Variants in LCLAT1 observed in about 807,000 individuals in gnomAD.
The protein encoded by LCLAT1 is lysocardiolipin acyltransferase 1.
In LCLAT1, 11 loss-of-function variants were observed where a neutral mutation model predicts 30.7. That is an observed-to-expected ratio of 0.36 (90% CI 0.23 to 0.59). LCLAT1 has a LOEUF of 0.59. Among genes scored for constraint, LCLAT1 ranks in the 20% least tolerant of loss-of-function variants. The pLI, the probability that LCLAT1 is intolerant of heterozygous loss-of-function variation, is 0.77. For missense variants in LCLAT1, 402 were observed against 458.6 expected (o/e 0.88, Z 1.13); for synonymous variants, 155 against 151.3 (o/e 1.02, Z -0.18).
intron 5 of LCLAT1, among the ~76,000 whole-genome samples, chr2:30,611,312 A>C (rs894872102): frequency 2.6e-5 from 4 of 152,146 alleles, no homozygotes; most frequent in African/African-American, 9.7e-5. Context: ...TTGAAAATAA[A>C]CTATATAATG....
chr2:30,555,838 TC>T (rs1400489457), intron 3 of LCLAT1, among the ~76,000 whole-genome samples: 89 of 105,550 alleles, frequency 8.4e-4, no homozygotes, highest in African/African-American at 3.2e-3. Context: ...TTTTTCTTTT[TC>T]TTTTTTTTTT....
chr2:30,488,916 C>T (rs1285665351), intron 1 of LCLAT1, among the ~76,000 whole-genome samples: 1 of 152,228 alleles, frequency 6.6e-6, no homozygotes, highest in Non-Finnish European at 1.5e-5. Context: ...TCTTCAGATT[C>T]TGTTACAATG....
At chr2:30,595,566 C>T (rs1018674771) in intron 5 of LCLAT1, among the ~76,000 whole-genome samples, 4 of 152,162 alleles carry the variant, frequency 2.6e-5, no homozygotes, top group Non-Finnish European at 5.9e-5. Context: ...CAGTATCCTT[C>T]AGCACCTAGC....
At chr2:30,479,688 T>C (rs968609851) in intron 1 of LCLAT1, among the ~76,000 whole-genome samples, 1 of 152,196 alleles carries the variant, frequency 6.6e-6, no homozygotes, top group African/African-American at 2.4e-5. Flanking sequence ...TTGCAGGCAA[T>C]ACTCTGTCTC....
chr2:30,591,041 T>C lies in LCLAT1; in HGVS notation c.628+22865T>C, dbSNP rs139483241. 4.2e-3 allele frequency among the ~76,000 whole-genome samples: 633 copies of C among 152,180 alleles called. 3 individuals are homozygous for C. Among genetic ancestry groups the C allele is most frequent in the African/African-American group, 0.013 (547 of 41,518 alleles). On this transcript the variant is annotated intron_variant, in intron 5 of 5. Transcript: ENST00000379509. The stretch of plus-strand genomic sequence containing the variant: ...CAGTTTAGGGCATTAGAAAATCAGT[T>C]TGTATAACTGAAATTGGAACTAAAT...
chr2:30,554,351 T>C (rs1033556179), intron 3 of LCLAT1, among the ~76,000 whole-genome samples: 3 of 152,240 alleles, frequency 2.0e-5, no homozygotes, highest in Non-Finnish European at 4.4e-5. Flanking sequence ...ATGGAAAATC[T>C]AATCTCTGAC....
At chr2:30,513,150 T>A (rs1685019411) in intron 1 of LCLAT1, among the ~76,000 whole-genome samples, 1 of 152,096 alleles carries the variant, frequency 6.6e-6, no homozygotes, top group African/African-American at 2.4e-5. Context: ...TAATTTATAT[T>A]TTACTGATTA....
At chr2:30,571,623 G>A (rs1665784945) in intron 5 of LCLAT1, among the ~76,000 whole-genome samples, 1 of 152,168 alleles carries the variant, frequency 6.6e-6, no homozygotes, top group South Asian at 2.1e-4. Flanking sequence ...TCCCAGGGTG[G>A]CATTTCAGTT....
intron 1 of LCLAT1, among the ~76,000 whole-genome samples, chr2:30,494,891 T>C (rs890527503): frequency 1.3e-5 from 2 of 151,374 alleles, no homozygotes; most frequent in Non-Finnish European, 2.9e-5. Context: ...GTATAGTAAA[T>C]CTATATATTT....
At chr2:30,552,708 A>G (rs184439788) in intron 3 of LCLAT1, 28 of 216,110 alleles carry the variant, frequency 1.3e-4, no homozygotes, top group African/African-American at 6.0e-4. Context: ...TAGCACCCTA[A>G]TAAAAGTTGA....
intron 1 of LCLAT1, among the ~76,000 whole-genome samples, chr2:30,491,966 C>A (rs10180482): frequency 6.6e-6 from 1 of 152,070 alleles, no homozygotes; most frequent in African/African-American, 2.4e-5. Context: ...GTGTTTTAAA[C>A]GTTTTTATTC....
At chr2:30,455,009 T>G (rs1473612874) in intron 1 of LCLAT1, among the ~76,000 whole-genome samples, 1 of 152,220 alleles carries the variant, frequency 6.6e-6, no homozygotes, top group Admixed American at 6.5e-5. Flanking sequence ...AGATTGAGTC[T>G]TCTTTTGCTA....
intron 5 of LCLAT1, among the ~76,000 whole-genome samples, chr2:30,604,701 C>CTCTCAGGT (rs2148495889): frequency 6.8e-6 from 1 of 148,016 alleles, no homozygotes; most frequent in Non-Finnish European, 1.5e-5. Flanking sequence ...TCATTCGTAG[C>CTCTCAGGT]TCTCAGGTTG....
chr2:30,640,779 G>C lies in LCLAT1; in HGVS notation c.*160G>C. ...CACTTAATTTTGTGGGAAAAATATTGCTACAATTTTTTTTAATCTCTGAAT... is the reference window on the plus strand; with the variant it reads ...CACTTAATTTTGTGGGAAAAATATTCCTACAATTTTTTTTAATCTCTGAAT... On this transcript the variant is annotated 3_prime_UTR_variant, in exon 6 of 6. Transcript: ENST00000379509. 1.1e-6 allele frequency: 1 copy of C among 900,160 alleles called. No homozygotes were observed. Among genetic ancestry groups the C allele is most frequent in the Non-Finnish European group, 1.6e-6 (1 of 618,014 alleles). 55.8% of individuals were successfully genotyped at this position (900,160 alleles called of 1,614,324 possible).
At chr2:30,515,877 G>C (rs1685156233) in intron 1 of LCLAT1, among the ~76,000 whole-genome samples, 1 of 152,066 alleles carries the variant, frequency 6.6e-6, no homozygotes, top group Non-Finnish European at 1.5e-5. Context: ...TCCAGCAGAA[G>C]CTGGCAACTC....
intron 5 of LCLAT1, among the ~76,000 whole-genome samples, chr2:30,585,268 T>TAA (rs145941499): frequency 2.8e-4 from 42 of 150,544 alleles, no homozygotes; most frequent in African/African-American, 1.0e-3. Context: ...CCATCCTCGG[T>TAA]AAAAAAAAAT....
intron 1 of LCLAT1, among the ~76,000 whole-genome samples, chr2:30,497,675 A>G (rs190278657): frequency 6.6e-6 from 1 of 151,836 alleles, no homozygotes; most frequent in Non-Finnish European, 1.5e-5. Context: ...CTTTCTTTAC[A>G]TTCATAATCT....
At chr2:30,540,041 AT>A (rs1426320521) in intron 3 of LCLAT1, among the ~76,000 whole-genome samples, 1 of 152,214 alleles carries the variant, frequency 6.6e-6, no homozygotes, top group Non-Finnish European at 1.5e-5. Flanking sequence ...TAACAGGTAC[AT>A]TGTACAAAAT....
chr2:30,510,758 A>G (rs1323990073), intron 1 of LCLAT1, among the ~76,000 whole-genome samples: 6 of 151,520 alleles, frequency 4.0e-5, no homozygotes, highest in African/African-American at 1.5e-4. Context: ...TCTGCTTTCC[A>G]TCTCTTTATC....
Sources: gnomAD v4.1 joint callset for allele counts (sites outside exome capture counted in the v4.1 genomes callset) on GRCh38, gnomAD v4.1.1 for gene constraint, MANE v1.5 for transcripts, NCBI Gene and HGNC (gene_info 2026-07-23, HGNC 2026-07-21) for gene names.